Variants in CSPP1 observed in about 807,000 individuals in gnomAD.
The protein encoded by CSPP1 is centrosome and spindle pole-associated protein 1.
CSPP1 carries 126 observed loss-of-function variants against 164.4 expected under a neutral mutation model. The ratio of observed to expected loss-of-function variants is 0.77; its 90% confidence interval spans 0.66 to 0.89. The LOEUF (loss-of-function observed/expected upper bound fraction) is 0.89, where lower values mean the gene tolerates loss of function less well. CSPP1 is among the 40% of genes least tolerant of loss of function. The pLI is 0.00. For synonymous variants in CSPP1, 472 were observed against 476.7 expected (o/e 0.99, Z 0.13); for missense variants, 1,395 against 1,449.8 (o/e 0.96, Z 0.61).
chr8:67,163,311 A>C (rs1828723785), intron 22 of CSPP1, among the ~76,000 whole-genome samples: 1 of 152,212 alleles, frequency 6.6e-6, no homozygotes, highest in Admixed American at 6.5e-5. Context: ...CAGAATGGAC[A>C]GGAGACAGTG....
At chr8:67,174,418 T>A (rs1255332800) in intron 25 of CSPP1, 1 of 152,186 alleles carries the variant, frequency 6.6e-6, no homozygotes, top group East Asian at 1.9e-4. Flanking sequence ...GAATAATATT[T>A]TCAAGGCTTT....
At chr8:67,116,933 G>A (rs1242691099) in intron 13 of CSPP1, among the ~76,000 whole-genome samples, 1 of 151,966 alleles carries the variant, frequency 6.6e-6, no homozygotes, top group South Asian at 2.1e-4. Context: ...ACTTATCAGG[G>A]GCTTTGTGTT....
At chr8:67,113,407 A>C (rs1254728238) in intron 10 of CSPP1, among the ~76,000 whole-genome samples, 1 of 152,202 alleles carries the variant, frequency 6.6e-6, no homozygotes, top group Non-Finnish European at 1.5e-5. Context: ...TTTTTAAAAA[A>C]ACCCTATTAT....
chr8:67,190,809 C>CAGAACCCAGACCTCTCA, intron 29 of CSPP1, 50 bp downstream of exon 29: 1 of 1,353,270 alleles, frequency 7.4e-7, no homozygotes, highest in Non-Finnish European at 1.1e-6. Context: ...AATGAGAGGT[C>CAGAACCCAGACCTCTCA]TGGGTTCTGA....
chr8:67,194,919 T>TAATA (rs200053934), intron 30 of CSPP1, among the ~76,000 whole-genome samples: 1 of 152,244 alleles, frequency 6.6e-6, no homozygotes, highest in East Asian at 1.9e-4. Context: ...CAAAATAACT[T>TAATA]AATAATTTCC....
At chr8:67,158,676 T>C (rs1252092199) in intron 20 of CSPP1, 80 bp downstream of exon 20, 9 of 1,476,932 alleles carry the variant, frequency 6.1e-6, no homozygotes, top group Admixed American at 5.2e-5. Context: ...TTCTTACTTA[T>C]AAAGGAGAAC....
chr8:67,159,904 CTTTCTTTCTTTCTTTCT>C (rs1827631886), intron 21 of CSPP1, among the ~76,000 whole-genome samples: 1 of 66,864 alleles, frequency 1.5e-5, no homozygotes, highest in East Asian at 3.9e-4. Flanking sequence ...TTCTTTCTTT[CTTTCTTTCTTTCTTTCT>C]TTCCTTTCCT....
chr8:67,118,373 A>G lies in CSPP1; in HGVS notation c.1618+4A>G. 6.2e-7 allele frequency: 1 copy of G among 1,613,436 alleles called. No homozygotes were observed. The highest frequency in any genetic ancestry group is 8.5e-7 in the Non-Finnish European group (1 of 1,179,578). Reference sequence around the variant, plus strand: ...TTCGATCCCAGTCTTGCTTATTGTAAGTTATCTATAGGGTAAGCATTTTCT... The same window carrying G: ...TTCGATCCCAGTCTTGCTTATTGTAGGTTATCTATAGGGTAAGCATTTTCT... On this transcript the variant is annotated splice_donor_region_variant and intron_variant, in intron 14 of 30. Coordinates refer to ENST00000678616, the MANE Select transcript of CSPP1 (RefSeq NM_001382391.1).
chr8:67,175,476 GC>G, intron 26 of CSPP1, 40 bp downstream of exon 26: 1 of 1,610,556 alleles, frequency 6.2e-7, no homozygotes, highest in Non-Finnish European at 8.5e-7. Context: ...GTATCAGCAC[GC>G]TGTTTTTCCG....
At chr8:67,153,916 C>CTTT in intron 18 of CSPP1, 108 bp from the exon 19 acceptor site, 2 of 457,526 alleles carry the variant, frequency 4.4e-6, no homozygotes, top group South Asian at 2.9e-5. Flanking sequence ...AATCTTTGGA[C>CTTT]TTTTTTTTTT....
At chr8:67,106,691 T>A (rs1259784674) in intron 9 of CSPP1, among the ~76,000 whole-genome samples, 1 of 152,220 alleles carries the variant, frequency 6.6e-6, no homozygotes, top group Non-Finnish European at 1.5e-5. Context: ...GTTTCTGGTT[T>A]ATACCTTTAA....
Position 67,163,722 on chromosome 8 carries a change from TG to T in CSPP1, c.2644-9del. ...ATACTGAACATGTCTTTGTCATTATTGTTGAACAGGAAAGTTCCATGTCCAG... is the reference window on the plus strand; with the variant it reads ...ATACTGAACATGTCTTTGTCATTATTTTGAACAGGAAAGTTCCATGTCCAG... On this transcript the variant is annotated splice_polypyrimidine_tract_variant and intron_variant, in intron 22 of 30. Coordinates refer to ENST00000678616, the MANE Select transcript of CSPP1 (RefSeq NM_001382391.1). The T allele has an allele frequency of 6.2e-7, 1 of 1,607,170 alleles. No homozygotes were observed. The highest frequency in any genetic ancestry group is 8.5e-7 in the Non-Finnish European group (1 of 1,175,216).
chr8:67,192,832 A>G (rs1174773401), intron 29 of CSPP1, among the ~76,000 whole-genome samples: 1 of 152,168 alleles, frequency 6.6e-6, no homozygotes, highest in Non-Finnish European at 1.5e-5. Flanking sequence ...ATTCTTCTTA[A>G]TCTTCCATTG....
rs1402284764 is a variant in CSPP1 at position 67,074,313 on chromosome 8, G to T, written c.61G>T (p.Ala21Ser). Residue 21 changes from alanine (A) to serine (S), a missense_variant, in exon 2 of 31, where the codon GCA (alanine) becomes TCA (serine). Ala to Ser is a moderately conservative substitution (Grantham distance 99, BLOSUM62 1). Coordinates refer to ENST00000678616, the MANE Select transcript of CSPP1 (RefSeq NM_001382391.1). Reference sequence around the variant, plus strand: ...AAAAGCCAGATTGGCCGAAGACAAAGCAGAGTTGGAAAGTGATCCACCTTA... The same window carrying T: ...AAAAGCCAGATTGGCCGAAGACAAATCAGAGTTGGAAAGTGATCCACCTTA... ...EQKARLAEDK[A>S]ELESDPPYME... 6.2e-7 allele frequency: 1 copy of T among 1,610,980 alleles called. No homozygotes were observed. The highest frequency in any genetic ancestry group is 1.3e-5 in the African/African-American group (1 of 74,906).
At chr8:67,088,329 C>T (rs1355195170) in intron 4 of CSPP1, among the ~76,000 whole-genome samples, 1 of 151,662 alleles carries the variant, frequency 6.6e-6, no homozygotes, top group Non-Finnish European at 1.5e-5. Flanking sequence ...GCTCTGTCGC[C>T]CAGGCTGGAG....
At chr8:67,168,332 G>A (rs939560321) in intron 24 of CSPP1, among the ~76,000 whole-genome samples, 1 of 150,356 alleles carries the variant, frequency 6.7e-6, no homozygotes, top group Non-Finnish European at 1.5e-5. Flanking sequence ...GAGAGGGGGA[G>A]GGGGAGGGGG....
chr8:67,142,632 T>A (rs7018327), intron 17 of CSPP1, among the ~76,000 whole-genome samples: 1 of 152,168 alleles, frequency 6.6e-6, no homozygotes, highest in African/African-American at 2.4e-5. Flanking sequence ...AAACATTCAC[T>A]TACAGATCTT....
intron 3 of CSPP1, among the ~76,000 whole-genome samples, chr8:67,080,494 T>A (rs937010156): frequency 6.6e-6 from 1 of 152,244 alleles, no homozygotes; most frequent in Admixed American, 6.5e-5. Context: ...CAGTGACTTC[T>A]GACACCAGCT....
rs770811547 is a variant in CSPP1 at position 67,154,041 on chromosome 8, A to G, written c.2146A>G (p.Ser716Gly). 2.5e-6 allele frequency: 4 copies of G among 1,594,736 alleles called. No homozygotes were observed. In the South Asian group the frequency reaches 4.4e-5, roughly 18 times the overall value. Residue 716 changes from serine to glycine, a missense_variant, in exon 19 of 31, where the codon AGC becomes GGC. Physicochemically the swap from Ser to Gly is moderately conservative, Grantham distance 56. Coordinates refer to ENST00000678616, the MANE Select transcript of CSPP1 (RefSeq NM_001382391.1). The stretch of plus-strand genomic sequence containing the variant: ...CTTTCAAGGTCATATGCAAACACAG[A>G]GCTCTCCTTTTGCTCGGGGAAATGT... ...NKSSGHMQTQ[S>G]SPFARGNVFG...
Sources: gnomAD v4.1 joint callset for allele counts (sites outside exome capture counted in the v4.1 genomes callset) on GRCh38, gnomAD v4.1.1 for gene constraint, MANE v1.5 for transcripts, NCBI Gene and HGNC (gene_info 2026-07-23, HGNC 2026-07-21) for gene names.